TAFA1: variants seen among roughly 807,000 people sequenced by gnomAD.
TAFA1 encodes the protein chemokine-like protein TAFA-1.
Under a neutral mutation model 18.5 loss-of-function variants are expected in TAFA1, and 4 were observed. The ratio of observed to expected loss-of-function variants is 0.22; its 90% CI spans 0.11 to 0.49. The LOEUF (loss-of-function observed/expected upper bound fraction) is 0.49. TAFA1 is among the 20% of genes least tolerant of loss of function. The pLI, the probability that TAFA1 is intolerant of heterozygous loss-of-function variation, is 0.98. For missense variants in TAFA1, 147 were observed against 169.0 expected, an observed-to-expected ratio of 0.87 and a Z score of 0.72; for synonymous variants, 56 against 55.2, an observed-to-expected ratio of 1.01 and a Z score of -0.06.
intron 2 of TAFA1, among the ~76,000 whole-genome samples, chr3:68,097,964 G>A (rs1485866482): frequency 6.6e-6 from 1 of 152,120 alleles, no homozygotes; most frequent in Non-Finnish European, 1.5e-5. Context: ...GCCTGAAAGT[G>A]TTGACAGGTT....
intron 2 of TAFA1, among the ~76,000 whole-genome samples, chr3:68,402,798 C>T (rs941720430): frequency 4.6e-5 from 7 of 152,102 alleles, no homozygotes; most frequent in South Asian, 2.1e-4. Flanking sequence ...TAGTTCTGCA[C>T]GGAAGACATG....
intron 2 of TAFA1, among the ~76,000 whole-genome samples, chr3:68,269,931 C>T (rs1038961202): frequency 1.1e-4 from 17 of 152,170 alleles, no homozygotes; most frequent in African/African-American, 4.1e-4. Flanking sequence ...CTTTTCTTTT[C>T]CTCTGAGTAC....
intron 2 of TAFA1, among the ~76,000 whole-genome samples, chr3:68,049,009 C>G (rs1315171990): frequency 6.6e-6 from 1 of 152,126 alleles, no homozygotes; most frequent in Non-Finnish European, 1.5e-5. Flanking sequence ...TACGGAAGTT[C>G]TATTTTTAGT....
In TAFA1 at chr3:68,174,816, G is replaced by T. The variant is rs150277257; in HGVS notation, c.118+168072G>T. Among the ~76,000 whole-genome samples, 1,357 of 152,328 alleles carry T rather than the reference G, an allele frequency of 8.9e-3. 19 individuals are homozygous for T. The highest frequency in any genetic ancestry group is 0.013 in the Non-Finnish European group (857 of 68,022). ...TTGCATAAGTAACAAGGAACCCAAT[G>T]TTATTGCCTAAGACAATGGGGAAAA... On this transcript the variant is annotated intron_variant, in intron 2 of 4. Transcript: ENST00000478136.
intron 2 of TAFA1, among the ~76,000 whole-genome samples, chr3:68,336,104 T>C (rs1045430435): frequency 6.6e-6 from 1 of 152,224 alleles, no homozygotes; most frequent in African/African-American, 2.4e-5. Context: ...ACTTCCTCTC[T>C]CTGATCATTG....
intron 2 of TAFA1, among the ~76,000 whole-genome samples, chr3:68,151,869 A>T (rs1281393265): frequency 6.6e-6 from 1 of 152,190 alleles, no homozygotes; most frequent in Non-Finnish European, 1.5e-5. Context: ...TCTATGTCTC[A>T]TTGCTACAAA....
At chr3:68,478,864 T>C (rs2072155701) in intron 3 of TAFA1, among the ~76,000 whole-genome samples, 1 of 151,638 alleles carries the variant, frequency 6.6e-6, no homozygotes, top group Admixed American at 6.6e-5. Flanking sequence ...TTTTATGAAA[T>C]ATTGAAATAT....
chr3:68,456,074 A>G (rs1339892101), intron 3 of TAFA1, among the ~76,000 whole-genome samples: 1 of 152,138 alleles, frequency 6.6e-6, no homozygotes, highest in Non-Finnish European at 1.5e-5. Flanking sequence ...AAGAACTTTA[A>G]AAGGCAATTA....
chr3:68,389,571 A>C (rs556011720), intron 2 of TAFA1, among the ~76,000 whole-genome samples: 36 of 152,282 alleles, frequency 2.4e-4, no homozygotes, highest in African/African-American at 7.7e-4. Flanking sequence ...ATTCCCGGGC[A>C]AGATGGCCAA....
At chr3:68,130,159 G>T (rs948221680) in intron 2 of TAFA1, among the ~76,000 whole-genome samples, 1 of 152,210 alleles carries the variant, frequency 6.6e-6, no homozygotes, top group Non-Finnish European at 1.5e-5. Context: ...AAGGGTATCC[G>T]TGAAGGTAAA....
chr3:68,296,025 G>A (rs1277153956), intron 2 of TAFA1, among the ~76,000 whole-genome samples: 4 of 152,080 alleles, frequency 2.6e-5, no homozygotes. Context: ...ATTCTCTGTC[G>A]ACAACAGATA....
At chr3:68,198,769 TC>T (rs2066441048) in intron 2 of TAFA1, among the ~76,000 whole-genome samples, 1 of 151,560 alleles carries the variant, frequency 6.6e-6, no homozygotes, top group African/African-American at 2.4e-5. Context: ...TGAGTAACAG[TC>T]CTTTATCAGA....
rs1036465660 is a variant in TAFA1 at position 68,544,613 on chromosome 3, G to A, written c.*110G>A. On this transcript the variant is annotated 3_prime_UTR_variant, in exon 5 of 5. Transcript: ENST00000478136. ...CAAATGGATTTCTTACTTGCACTTT[G>A]ACTGGCTACCAGATAATCACAGTGC... 3.7e-6 allele frequency: 4 copies of A among 1,093,568 alleles called. No individual in the cohort carries two copies. The highest frequency in any genetic ancestry group is 5.5e-6 in the Non-Finnish European group (4 of 727,114). 67.7% of individuals were successfully genotyped at this position (1,093,568 alleles called of 1,614,324 possible). A position where few individuals can be genotyped will look rare whatever the true frequency, so the allele number is the denominator to read the frequency against.
At chr3:68,458,224 T>A (rs1286864391) in intron 3 of TAFA1, among the ~76,000 whole-genome samples, 1 of 152,132 alleles carries the variant, frequency 6.6e-6, no homozygotes, top group Non-Finnish European at 1.5e-5. Flanking sequence ...TCTCCAGCCA[T>A]GTAGGACATG....
At chr3:68,394,171 A>G (rs2070326992) in intron 2 of TAFA1, among the ~76,000 whole-genome samples, 1 of 152,310 alleles carries the variant, frequency 6.6e-6, no homozygotes, top group South Asian at 2.1e-4. Context: ...AGACAAACAG[A>G]GCCAAATCAT....
chr3:68,419,870 C>A (rs1222371846), intron 3 of TAFA1, among the ~76,000 whole-genome samples: 1 of 152,144 alleles, frequency 6.6e-6, no homozygotes, highest in Non-Finnish European at 1.5e-5. Context: ...TCAGCCAAAC[C>A]TCGTGGAATT....
At chr3:68,519,236 A>G (rs2106746762) in intron 3 of TAFA1, among the ~76,000 whole-genome samples, 1 of 152,178 alleles carries the variant, frequency 6.6e-6, no homozygotes, top group East Asian at 1.9e-4. Flanking sequence ...TATAAAAGAG[A>G]CTCCAGTGAA....
At chr3:68,050,444 C>T (rs2064455119) in intron 2 of TAFA1, among the ~76,000 whole-genome samples, 2 of 151,814 alleles carry the variant, frequency 1.3e-5, no homozygotes, top group South Asian at 2.1e-4. Flanking sequence ...GGGGATTTGG[C>T]TGGGGATTTG....
intron 2 of TAFA1, among the ~76,000 whole-genome samples, chr3:68,276,013 A>T (rs2067789189): frequency 6.6e-6 from 1 of 152,018 alleles, no homozygotes; most frequent in Admixed American, 6.6e-5. Context: ...TACCTGTTAG[A>T]CTCTCAGTAA....
Sources: gnomAD v4.1 joint callset for allele counts (sites outside exome capture counted in the v4.1 genomes callset) on GRCh38, gnomAD v4.1.1 for gene constraint, MANE v1.5 for transcripts, NCBI Gene and HGNC (gene_info 2026-07-23, HGNC 2026-07-21) for gene names.